ESR1: variants seen among roughly 807,000 people sequenced by gnomAD.
ESR1 encodes estrogen receptor.
A neutral mutation model predicts 52.7 loss-of-function variants in ESR1; 12 were observed. The observed-to-expected ratio is 0.23, with a 90% CI of 0.15 to 0.37. The LOEUF (loss-of-function observed/expected upper bound fraction) is 0.37, where lower values mean the gene tolerates loss of function less well. Ranked by LOEUF, ESR1 falls within the 10% of genes least tolerant of loss-of-function variation. ESR1 has a pLI of 1.00. For synonymous variants in ESR1, 305 were observed against 316.8 expected (o/e 0.96, Z 0.39); for missense variants, 584 against 779.7 (o/e 0.75, Z 2.99).
chr6:151,975,435 A>G (rs941994316), intron 4 of ESR1, among the ~76,000 whole-genome samples: 1 of 152,096 alleles, frequency 6.6e-6, no homozygotes, highest in African/African-American at 2.4e-5. Context: ...CAGAACCAGT[A>G]GGATCAATTG....
intron 3 of ESR1, among the ~76,000 whole-genome samples, chr6:151,929,263 T>TAC (rs2033234727): frequency 6.6e-6 from 1 of 152,248 alleles, no homozygotes; most frequent in South Asian, 2.1e-4. Context: ...TACACATATA[T>TAC]ACACATATTT....
chr6:151,925,144 G>GTTTGTTTGT (rs1554285747), intron 3 of ESR1, among the ~76,000 whole-genome samples: 2 of 106,520 alleles, frequency 1.9e-5, no homozygotes, highest in African/African-American at 6.1e-5. Flanking sequence ...TTGTTTGTTT[G>GTTTGTTTGT]TTTTTTTAGT....
At chr6:151,899,727 G>T (rs1796351843) in intron 3 of ESR1, among the ~76,000 whole-genome samples, 2 of 151,602 alleles carry the variant, frequency 1.3e-5, no homozygotes, top group Admixed American at 6.6e-5. Flanking sequence ...AGACGGGGCG[G>T]CCCGGCAGAG....
In ESR1 at chr6:152,129,149, C is replaced by T. The variant is rs116864040; in HGVS notation, c.*3801C>T. Reference sequence around the variant, plus strand: ...GAGGCATGAGGAAGCACTTGCTGCCCTAAGAAACGATGCCTTCGACATTTT... The same window carrying T: ...GAGGCATGAGGAAGCACTTGCTGCCTTAAGAAACGATGCCTTCGACATTTT... On this transcript the variant is annotated 3_prime_UTR_variant, in exon 7 of 7. Coordinates refer to the ESR1 transcript ENST00000427531. 6.3e-3 allele frequency: 957 copies of T among 152,318 alleles called. 23 individuals carry two copies. The East Asian group carries it at 0.081, about 13-fold the overall frequency. 9.4% of individuals were successfully genotyped at this position (152,318 alleles called of 1,614,324 possible). A position where few individuals can be genotyped will look rare whatever the true frequency, so the allele number is the denominator to read the frequency against.
chr6:151,669,013 T>C (rs950204670), intron 1 of ESR1, among the ~76,000 whole-genome samples: 1 of 151,894 alleles, frequency 6.6e-6, no homozygotes, highest in African/African-American at 2.4e-5. Flanking sequence ...AAAGGCAGGT[T>C]GTGACCAGGC....
chr6:151,690,104 C>T (rs147158208), upstream of ESR1, among the ~76,000 whole-genome samples: 1 of 152,298 alleles, frequency 6.6e-6, no homozygotes, highest in East Asian at 1.9e-4. Flanking sequence ...GAGTCCATGC[C>T]TGAGTAAGAA....
intron 1 of ESR1, among the ~76,000 whole-genome samples, chr6:151,835,242 A>G (rs1207532229): frequency 1.3e-5 from 2 of 152,084 alleles, no homozygotes; most frequent in Non-Finnish European, 2.9e-5. Flanking sequence ...TTTTGCATGC[A>G]TTGAGTTTTT....
chr6:151,816,244 A>T (rs1409371588), intron 1 of ESR1, among the ~76,000 whole-genome samples: 1 of 152,188 alleles, frequency 6.6e-6, no homozygotes, highest in Non-Finnish European at 1.5e-5. Flanking sequence ...GTTTGAGGTG[A>T]CTTTATAGAA....
Position 152,011,746 on chromosome 6 carries a change from T to C in ESR1, c.1187T>C (p.Met396Thr). 1.9e-6 allele frequency: 3 copies of C among 1,613,426 alleles called. No individual in the cohort carries two copies. Among genetic ancestry groups the C allele is most frequent in the Non-Finnish European group, 2.5e-6 (3 of 1,179,580 alleles). ...ILMIGLVWRS[M>T]EHPGKLLFAP... ...ATGATTGGTCTCGTCTGGCGCTCCATGGAGCACCCAGGGAAGCTACTGTTT... is the reference window on the plus strand; with the variant it reads ...ATGATTGGTCTCGTCTGGCGCTCCACGGAGCACCCAGGGAAGCTACTGTTT... The change falls in exon 5 of 8, where the codon ATG becomes ACG. Residue 396 changes from methionine to threonine, a missense_variant. Transcript: ENST00000206249.
intron 2 of ESR1, among the ~76,000 whole-genome samples, chr6:151,743,630 G>A (rs1783262966): frequency 6.6e-6 from 1 of 152,144 alleles, no homozygotes; most frequent in Non-Finnish European, 1.5e-5. Flanking sequence ...AGAGATCACA[G>A]TAACAGTTTA....
At chr6:151,727,364 G>C (rs1178155877) in intron 2 of ESR1, among the ~76,000 whole-genome samples, 2 of 151,928 alleles carry the variant, frequency 1.3e-5, no homozygotes, top group African/African-American at 2.4e-5. Context: ...ATCACGCCCG[G>C]CTAATTTTTA....
intron 2 of ESR1, among the ~76,000 whole-genome samples, chr6:151,794,820 A>G (rs921536096): frequency 6.6e-6 from 1 of 152,190 alleles, no homozygotes; most frequent in African/African-American, 2.4e-5. Context: ...TCCCCAGAGA[A>G]ACATTGCTAA....
chr6:152,005,002 G>A (rs989818833), intron 4 of ESR1, among the ~76,000 whole-genome samples: 1 of 151,542 alleles, frequency 6.6e-6, no homozygotes, highest in Admixed American at 6.6e-5. Flanking sequence ...GGTTTTTACT[G>A]CATAGCGTTT....
intron 2 of ESR1, among the ~76,000 whole-genome samples, chr6:151,737,732 A>G (rs1230085901): frequency 6.6e-6 from 1 of 152,164 alleles, no homozygotes; most frequent in Non-Finnish European, 1.5e-5. Context: ...AAAGAAGGGT[A>G]TAAGGGTACA....
At chr6:151,677,276 A>G (rs1287646846) in intron 1 of ESR1, among the ~76,000 whole-genome samples, 1 of 152,236 alleles carries the variant, frequency 6.6e-6, no homozygotes, top group Non-Finnish European at 1.5e-5. Flanking sequence ...TGCCTGGGGC[A>G]GCTTGACCGC....
chr6:151,657,806 T>A (rs1013661583), intron 1 of ESR1, among the ~76,000 whole-genome samples: 1 of 152,188 alleles, frequency 6.6e-6, no homozygotes, highest in Non-Finnish European at 1.5e-5. Context: ...ACATGAAATT[T>A]TGGGTTTTTT....
chr6:151,885,947 A>G (rs144428772), intron 3 of ESR1, among the ~76,000 whole-genome samples: 1 of 152,334 alleles, frequency 6.6e-6, no homozygotes, highest in East Asian at 1.9e-4. Context: ...ATATAAATCT[A>G]AAGTGCCACA....
chr6:151,911,355 T>C (rs2128436774), intron 3 of ESR1, among the ~76,000 whole-genome samples: 1 of 152,336 alleles, frequency 6.6e-6, no homozygotes, highest in African/African-American at 2.4e-5. Context: ...GATAACATAA[T>C]AATAGGGAAG....
intron 1 of ESR1, among the ~76,000 whole-genome samples, chr6:151,820,395 A>G (rs983805646): frequency 6.6e-6 from 1 of 152,240 alleles, no homozygotes; most frequent in Non-Finnish European, 1.5e-5. Context: ...CCATGTACCC[A>G]GGTGCCTTGC....
Sources: gnomAD v4.1 joint callset for allele counts (sites outside exome capture counted in the v4.1 genomes callset) on GRCh38, gnomAD v4.1.1 for gene constraint, MANE v1.5 for transcripts, NCBI Gene and HGNC (gene_info 2026-07-23, HGNC 2026-07-21) for gene names.